COL6A3: variants seen among roughly 807,000 people sequenced by gnomAD.
COL6A3 encodes collagen alpha-3(VI) chain.
A neutral mutation model predicts 274.1 loss-of-function variants in COL6A3; 137 were observed. The observed-to-expected ratio is 0.50, with a 90% confidence interval of 0.44 to 0.58. The LOEUF is 0.58. Among genes scored for constraint, COL6A3 ranks in the 20% least tolerant of loss-of-function variants. The pLI is 0.00. For missense variants in COL6A3, 3,950 were observed against 4,124.9 expected, an observed-to-expected ratio of 0.96 and a Z score of 1.16; for synonymous variants, 1,650 against 1,650.6, an observed-to-expected ratio of 1.00 and a Z score of 0.01.
intron 42 of COL6A3, among the ~76,000 whole-genome samples, chr2:237,332,117 A>ATATATATGTG (rs35490728): frequency 1.6e-5 from 1 of 64,206 alleles, no homozygotes; most frequent in African/African-American, 4.8e-5. Flanking sequence ...ATATATATAT[A>ATATATATGTG]TGAAAAGAAA....
Position 237,381,383 on chromosome 2 carries a change from T to C in COL6A3, c.1429A>G (p.Ile477Val). Reference sequence around the variant, plus strand: ...GCCACCTGGATAAGATCCTGTCCGATTTCCAGCCTCTGGATGACTTTAGCA... The same window carrying C: ...GCCACCTGGATAAGATCCTGTCCGACTTCCAGCCTCTGGATGACTTTAGCA... ...FIAKVIQRLEIGQDLIQVAVA... is the reference protein window; with the variant it reads ...FIAKVIQRLEVGQDLIQVAVA... The change falls in exon 5 of 44, where the codon ATC (isoleucine) becomes GTC (valine). Residue 477 changes from isoleucine (I) to valine (V), a missense_variant. Physicochemically the swap from Ile to Val is conservative, Grantham distance 29. This residue lies in a region of COL6A3 where 1,934 missense variants were observed against 1,984.3 expected (regional missense o/e 0.97). Coordinates refer to ENST00000295550, the MANE Select transcript of COL6A3 (RefSeq NM_004369.4). 6.2e-7 allele frequency: 1 copy of C among 1,614,212 alleles called. No homozygotes were observed. Among genetic ancestry groups the C allele is most frequent in the Non-Finnish European group, 8.5e-7 (1 of 1,180,040 alleles).
At chr2:237,354,742 G>A (rs576445599) in intron 24 of COL6A3, among the ~76,000 whole-genome samples, 157 bp downstream of exon 24, 3 of 152,232 alleles carry the variant, frequency 2.0e-5, no homozygotes, top group Admixed American at 6.5e-5. Flanking sequence ...GCTGTGTCAC[G>A]GGCATGTCTT....
At position 237,379,155 on chromosome 2, in the gene COL6A3, C is replaced by T. The variant is rs774531619; in HGVS notation, c.1978G>A (p.Asp660Asn). The change falls in exon 6 of 44, where the codon GAC becomes AAC. Residue 660 changes from aspartate (D) to asparagine (N), a missense_variant. Asp to Asn is a conservative substitution (Grantham distance 23). Around this residue, in one of 5 missense-constraint regions of COL6A3, gnomAD observed 1,934 missense variants for 1,984.3 expected, o/e 0.97. Coordinates refer to ENST00000295550, the MANE Select transcript of COL6A3 (RefSeq NM_004369.4). ...CTGTTAACTAGGTTCATTACAAAGT[C>T]GCGCACATAAGGGAAATTGGTTTTT... ...VGKTNFPYVR[D>N]FVMNLVNSLD... The T allele has an allele frequency of 5.6e-6, 9 of 1,614,168 alleles. No individual in the cohort carries two copies. Among genetic ancestry groups the T allele is most frequent in the South Asian group, 1.1e-5 (1 of 91,068 alleles).
intron 1 of COL6A3, among the ~76,000 whole-genome samples, chr2:237,403,084 C>A (rs991249655): frequency 6.6e-6 from 1 of 152,122 alleles, no homozygotes; most frequent in Non-Finnish European, 1.5e-5. Context: ...ACAGGGAGAG[C>A]CACAGAGAGT....
intron 1 of COL6A3, among the ~76,000 whole-genome samples, chr2:237,409,476 T>A (rs1341133966): frequency 6.6e-6 from 1 of 152,192 alleles, no homozygotes; most frequent in Non-Finnish European, 1.5e-5. Flanking sequence ...TAGGTCTTGT[T>A]AAACTTAAGT....
intron 1 of COL6A3, among the ~76,000 whole-genome samples, chr2:237,412,475 T>A (rs2078880895): frequency 6.6e-6 from 1 of 152,232 alleles, no homozygotes; most frequent in African/African-American, 2.4e-5. Context: ...ACTCGCTCCC[T>A]GGCCTGGGCA....
At chr2:237,408,793 G>T (rs1319693483) in intron 1 of COL6A3, among the ~76,000 whole-genome samples, 3 of 152,210 alleles carry the variant, frequency 2.0e-5, no homozygotes, top group African/African-American at 7.2e-5. Context: ...ATCATACTAT[G>T]CTGAATGCAG....
intron 9 of COL6A3, among the ~76,000 whole-genome samples, chr2:237,369,986 A>G (rs1015847559): frequency 1.3e-5 from 2 of 151,256 alleles, no homozygotes; most frequent in Admixed American, 1.3e-4. Flanking sequence ...ACAGACATGA[A>G]CCACCATGCC....
In COL6A3 at chr2:237,395,188, C is replaced by A. The variant is rs374055173; in HGVS notation, c.108G>T (p.Ala36=). Residue 36 remains alanine (A), a synonymous_variant, in exon 3 of 44, where the codon GCG becomes GCT. Transcript: ENST00000295550. ...CCACTAGAAATATTATATCAGCAGCCGCACCATTTTTGACATCTTTAAAAA... is the reference window on the plus strand; with the variant it reads ...CCACTAGAAATATTATATCAGCAGCAGCACCATTTTTGACATCTTTAAAAA... ...QQQQADVKNG[A]AADIIFLVDS... 3.7e-6 allele frequency: 6 copies of A among 1,613,228 alleles called. No individual in the cohort carries two copies. The African/African-American group carries it at 6.7e-5, about 18-fold the overall frequency.
At chr2:237,398,848 G>A (rs529861660) in intron 1 of COL6A3, among the ~76,000 whole-genome samples, 3 of 152,292 alleles carry the variant, frequency 2.0e-5, no homozygotes, top group South Asian at 2.1e-4. Flanking sequence ...GGCCATTGGC[G>A]ACACAGGTAG....
chr2:237,370,810 G>A (rs1355921102), intron 9 of COL6A3, among the ~76,000 whole-genome samples: 1 of 152,118 alleles, frequency 6.6e-6, no homozygotes, highest in Admixed American at 6.5e-5. Context: ...AGCACACATG[G>A]CCTTGGGGTT....
chr2:237,392,404 T>C (rs2078313435), intron 3 of COL6A3, among the ~76,000 whole-genome samples: 1 of 152,248 alleles, frequency 6.6e-6, no homozygotes, highest in East Asian at 1.9e-4. Context: ...GCAATTCTTC[T>C]GCTGTCCCTC....
Position 237,340,608 on chromosome 2 carries a change from C to T in COL6A3, c.8308G>A (p.Val2770Met), listed in dbSNP as rs886044644. Residue 2770 changes from valine (V) to methionine (M), a missense_variant, in exon 38 of 44, where the codon GTG becomes ATG. Transcript: ENST00000295550. ...ACCTTCCTGCCAATGCCCAGGACCA[C>T]GAAGAAGTAGCCCTTGCATTTGGCC... is the stretch of plus-strand genomic sequence containing the variant. ...LQAKCKGYFF[V>M]VLGIGRKVNI... The T allele has an allele frequency of 5.6e-6, 9 of 1,614,206 alleles. No individual in the cohort carries two copies. Among genetic ancestry groups the T allele is most frequent in the South Asian group, 3.3e-5 (3 of 91,076 alleles).
chr2:237,378,974 C>G lies in COL6A3; in HGVS notation c.2159G>C (p.Gly720Ala). 6.2e-7 allele frequency: 1 copy of G among 1,614,204 alleles called. No homozygotes were observed. The highest frequency in any genetic ancestry group is 1.1e-5 in the South Asian group (1 of 91,084). ...QLQGGSGLNT[G>A]SALSYVYANH... ...GGCATAGACATAGCTTAGGGCTGAGCCTGTGTTCAGGCCCGAACCTCCCTG... is the reference window on the plus strand; with the variant it reads ...GGCATAGACATAGCTTAGGGCTGAGGCTGTGTTCAGGCCCGAACCTCCCTG... Residue 720 changes from glycine (G) to alanine (A), a missense_variant, in exon 6 of 44, where the codon GGC (glycine) becomes GCC (alanine). This residue lies in a region of COL6A3 where 1,934 missense variants were observed against 1,984.3 expected (regional missense o/e 0.97). Coordinates refer to ENST00000295550, the MANE Select transcript of COL6A3 (RefSeq NM_004369.4).
intron 24 of COL6A3, among the ~76,000 whole-genome samples, chr2:237,354,367 G>GA (rs1237636595): frequency 6.6e-6 from 1 of 151,784 alleles, no homozygotes; most frequent in Non-Finnish European, 1.5e-5. Flanking sequence ...TGCCCACAGG[G>GA]AAATTCCTTG....
At position 237,379,362 on chromosome 2, in the gene COL6A3, T is replaced by G. The variant is rs1028809397; in HGVS notation, c.1898-127A>C. The G allele has an allele frequency of 5.1e-6, 6 of 1,184,120 alleles. No homozygotes were observed. The African/African-American group carries it at 9.1e-5, about 18-fold the overall frequency. The allele number at this position is 1,184,120 out of a possible 1,614,324, so 73.4% of individuals were successfully genotyped here. ...GAGAAAGTCAGCATGGCAAAGCATG[T>G]CCATCTTGTAAAATATGGCAGATGG... On this transcript the variant is annotated intron_variant, in intron 5 of 43. Coordinates refer to ENST00000295550, the MANE Select transcript of COL6A3 (RefSeq NM_004369.4).
At chr2:237,338,637 A>C (rs1700669349) in intron 39 of COL6A3, among the ~76,000 whole-genome samples, 1 of 152,150 alleles carries the variant, frequency 6.6e-6, no homozygotes, top group African/African-American at 2.4e-5. Flanking sequence ...GCATGGCTGC[A>C]TGCACCTGTA....
In COL6A3 at chr2:237,353,254, A is replaced by C. The variant is rs1418442936; in HGVS notation, c.6690+87T>G. The C allele has an allele frequency of 2.2e-6, 3 of 1,340,992 alleles. No homozygotes were observed. The Admixed American group carries it at 5.5e-5, about 25-fold the overall frequency. The allele number at this position is 1,340,992 out of a possible 1,614,324, so 83.1% of individuals were successfully genotyped here. A position where few individuals can be genotyped will look rare whatever the true frequency, so the allele number is the denominator to read the frequency against. ...TGGATTGTTCACTTTAAAATGGTTA[A>C]CTTTCCGGATATAAATGCCACCCAA... is the stretch of plus-strand genomic sequence containing the variant. On this transcript the variant is annotated intron_variant, in intron 25 of 43. Transcript: ENST00000295550.
Position 237,361,841 on chromosome 2 carries a change from G to A in COL6A3, c.6064-10C>T. On this transcript the variant is annotated splice_polypyrimidine_tract_variant and intron_variant, in intron 14 of 43. Transcript: ENST00000295550. This position sits in a 1 kb window ranked among gnomAD's most constrained non-coding sequence, Gnocchi z 5.1. Reference sequence around the variant, plus strand: ...TCTCGGCAATGTTGTCCTACCGAAAGGAAGAGAAACCAAATGTTCAGATCT... The same window carrying A: ...TCTCGGCAATGTTGTCCTACCGAAAAGAAGAGAAACCAAATGTTCAGATCT... 1 of 1,612,878 alleles carries A rather than the reference G, an allele frequency of 6.2e-7. No individual in the cohort carries two copies. The highest frequency in any genetic ancestry group is 8.5e-7 in the Non-Finnish European group (1 of 1,178,892).
Sources: allele counts gnomAD v4.1 joint callset (sites outside exome capture counted in the v4.1 genomes callset), GRCh38; gene constraint gnomAD v4.1.1; regional missense constraint gnomAD v4.1.1; non-coding constraint Gnocchi (gnomAD v3.1); transcripts MANE v1.5; gene names NCBI Gene and HGNC (gene_info 2026-07-23, HGNC 2026-07-21).